Variants in DNAH7 observed in about 807,000 individuals in gnomAD.
DNAH7 encodes dynein axonemal heavy chain 7.
Under a neutral mutation model 444.6 loss-of-function variants are expected in DNAH7, and 397 were observed. The observed-to-expected ratio is 0.89, with a 90% CI of 0.82 to 0.97. The LOEUF is 0.97. DNAH7 is among the 50% of genes least tolerant of loss of function. The probability of loss-of-function intolerance (pLI) is 0.00; values close to 1 mark genes in which losing one functional copy is unlikely to be tolerated. For synonymous variants in DNAH7, 1,636 were observed against 1,624.4 expected (o/e 1.01, Z -0.17); for missense variants, 4,902 against 4,800.8 (o/e 1.02, Z -0.62).
intron 47 of DNAH7, among the ~76,000 whole-genome samples, chr2:195,842,973 T>C (rs552863174): frequency 6.6e-6 from 1 of 152,178 alleles, no homozygotes. Flanking sequence ...TAACTACTAA[T>C]ATGTAGGACA....
At chr2:195,967,507 A>T (rs922648766) in intron 17 of DNAH7, among the ~76,000 whole-genome samples, 1 of 151,994 alleles carries the variant, frequency 6.6e-6, no homozygotes, top group Admixed American at 6.6e-5. Context: ...CAGATTCGCA[A>T]ACTATGGCAT....
intron 36 of DNAH7, 28 bp downstream of exon 36, chr2:195,881,767 T>G: frequency 1.3e-6 from 2 of 1,596,908 alleles, no homozygotes; most frequent in Non-Finnish European, 1.7e-6. Context: ...TATGCACAGT[T>G]TAATACGCAG....
intron 17 of DNAH7, among the ~76,000 whole-genome samples, chr2:195,968,736 T>C (rs368918539): frequency 6.6e-6 from 1 of 152,182 alleles, no homozygotes; most frequent in Non-Finnish European, 1.5e-5. Context: ...GTCTTTTAAA[T>C]TCACTTAGGA....
Position 195,888,877 on chromosome 2 carries a change from A to G in DNAH7, c.5151T>C (p.Ser1717=). The G allele has an allele frequency of 6.2e-7, 1 of 1,613,928 alleles. No homozygotes were observed. ...LDDNKKLCLM[S]GEIIQMSPQM... is the part of the protein sequence containing the mutation. ...GTGGTGACATCTGAATAATCTCCCC[A>G]CTCATCAGACATAGCTTCTTGTTGT... The change falls in exon 32 of 65, where the codon AGT becomes AGC. Residue 1717 remains serine (S), a synonymous_variant. Transcript: ENST00000312428.
chr2:195,919,860 T>C (rs1219222103), intron 24 of DNAH7, among the ~76,000 whole-genome samples: 2 of 152,100 alleles, frequency 1.3e-5, no homozygotes, highest in African/African-American at 4.8e-5. Flanking sequence ...AAATGGTACA[T>C]TTGCTTTTAG....
intron 27 of DNAH7, chr2:195,903,591 T>C (rs1158649142): frequency 1.3e-5 from 2 of 152,160 alleles, no homozygotes; most frequent in African/African-American, 4.8e-5. Context: ...TTTAATAAAT[T>C]GCTTTATTAT....
chr2:195,783,671 T>C (rs1192649078), intron 58 of DNAH7, among the ~76,000 whole-genome samples: 1 of 152,228 alleles, frequency 6.6e-6, no homozygotes, highest in South Asian at 2.1e-4. Flanking sequence ...TGAATTACCA[T>C]GGATTAAGAC....
intron 59 of DNAH7, among the ~76,000 whole-genome samples, chr2:195,776,476 T>C (rs1695068139): frequency 6.6e-6 from 1 of 151,886 alleles, no homozygotes; most frequent in Admixed American, 6.6e-5. Context: ...AAAAAGAATG[T>C]ATTTACAGAG....
chr2:195,835,877 G>A (rs1698346454), intron 47 of DNAH7, among the ~76,000 whole-genome samples: 1 of 152,046 alleles, frequency 6.6e-6, no homozygotes, highest in South Asian at 2.1e-4. Context: ...CAAAAATGTA[G>A]CTTAGATAAA....
intron 31 of DNAH7, among the ~76,000 whole-genome samples, chr2:195,891,412 G>T (rs916368973): frequency 6.6e-6 from 1 of 151,798 alleles, no homozygotes; most frequent in African/African-American, 2.4e-5. Context: ...ACTTTGCCCT[G>T]GCCTTTTTTT....
intron 24 of DNAH7, among the ~76,000 whole-genome samples, chr2:195,920,008 A>C (rs773202125): frequency 8.5e-5 from 13 of 152,178 alleles, no homozygotes; most frequent in African/African-American, 2.7e-4. Context: ...AAAGCATGGG[A>C]CTGGATGAGA....
intron 35 of DNAH7, among the ~76,000 whole-genome samples, chr2:195,882,358 A>G (rs1701436569): frequency 6.6e-6 from 1 of 152,246 alleles, no homozygotes; most frequent in African/African-American, 2.4e-5. Context: ...AATGTTAACC[A>G]ATACAGAATT....
At chr2:195,850,769 G>A (rs1699315392) in intron 46 of DNAH7, among the ~76,000 whole-genome samples, 1 of 151,856 alleles carries the variant, frequency 6.6e-6, no homozygotes. Context: ...TTCATGTGAG[G>A]GGACATGCTG....
intron 19 of DNAH7, among the ~76,000 whole-genome samples, chr2:195,940,557 C>T (rs961154160): frequency 4.0e-4 from 61 of 152,068 alleles, no homozygotes; most frequent in African/African-American, 1.4e-3. Context: ...AGCTTCTGCA[C>T]AGCAAAATAA....
At chr2:195,859,550 A>T (rs1362707190) in intron 42 of DNAH7, among the ~76,000 whole-genome samples, 1 of 152,182 alleles carries the variant, frequency 6.6e-6, no homozygotes, top group Admixed American at 6.6e-5. Context: ...CCAAGTAAAA[A>T]AATGACATGT....
At position 195,858,487 on chromosome 2, in the gene DNAH7, G is replaced by A; in HGVS notation, c.8054C>T (p.Thr2685Ile). 1 of 1,605,542 alleles carries A rather than the reference G, an allele frequency of 6.2e-7. No homozygotes were observed. The highest frequency in any genetic ancestry group is 8.5e-7 in the Non-Finnish European group (1 of 1,175,702). ...ILESALAALD[T>I]LTAQDITVVK... ...CGAAGCTCTTACCTGTGCAGTAAGAGTATCAAGGGCGGCCAGTGCTGACTC... is the reference window on the plus strand; with the variant it reads ...CGAAGCTCTTACCTGTGCAGTAAGAATATCAAGGGCGGCCAGTGCTGACTC... Residue 2685 changes from threonine (T) to isoleucine (I), a missense_variant, in exon 43 of 65, where the codon ACT becomes ATT. Physicochemically the swap from Thr to Ile is moderately conservative, Grantham distance 89. Transcript: ENST00000312428.
At chr2:196,016,268 G>GA (rs1337121081) in intron 9 of DNAH7, among the ~76,000 whole-genome samples, 2 of 152,076 alleles carry the variant, frequency 1.3e-5, no homozygotes, top group Non-Finnish European at 2.9e-5. Context: ...GTGTTGTTTT[G>GA]AAAATGAAAT....
intron 64 of DNAH7, among the ~76,000 whole-genome samples, chr2:195,739,073 T>G (rs16839372): frequency 0.15 from 23,497 of 152,166 alleles, 2,195 homozygotes; most frequent in African/African-American, 0.25. Flanking sequence ...TAATGAGAAT[T>G]TTTATTTCTA....
At chr2:195,816,548 AGAC>A in intron 51 of DNAH7, 77 bp downstream of exon 51, 1 of 1,060,754 alleles carries the variant, frequency 9.4e-7, no homozygotes, top group Non-Finnish European at 1.4e-6. Context: ...TACCACTCTG[AGAC>A]AACAATAGAG....
Sources: allele counts gnomAD v4.1 joint callset (sites outside exome capture counted in the v4.1 genomes callset), GRCh38; gene constraint gnomAD v4.1.1; transcripts MANE v1.5; gene names NCBI Gene and HGNC (gene_info 2026-07-23, HGNC 2026-07-21).